CALY: variants seen among roughly 807,000 people sequenced by gnomAD.
CALY encodes the protein calcyon neuron specific vesicular protein.
Under a neutral mutation model 20.2 loss-of-function variants are expected in CALY, and 15 were observed. That is an observed-to-expected ratio of 0.74 (90% CI 0.50 to 1.14). The LOEUF (loss-of-function observed/expected upper bound fraction) is 1.14, where lower values mean the gene tolerates loss of function less well. Ranked by LOEUF, CALY falls within the 50% of genes most tolerant of loss-of-function variation. CALY has a pLI of 0.00. For missense variants in CALY, 270 were observed against 304.4 expected (o/e 0.89, Z 0.84); for synonymous variants, 129 against 131.8 (o/e 0.98, Z 0.15).
In CALY at chr10:133,328,957, C is replaced by T. The variant is rs146132141; in HGVS notation, c.33G>A (p.Lys11=). Residue 11 remains lysine, a synonymous_variant, in exon 2 of 6, where the codon AAG becomes AAA. Transcript: ENST00000252939. MVKLGCSFSG[K]PGKDPGDQDG... ...CCTGGTCCCCAGGGTCTTTACCTGG[C>T]TTCCCAGAGAAGCTGCAGCCCAGCT... 96 of 1,565,376 alleles carry T rather than the reference C, an allele frequency of 6.1e-5. No individual in the cohort carries two copies. The highest frequency in any genetic ancestry group is 7.5e-5 in the Non-Finnish European group (87 of 1,153,866).
intron 1 of CALY, among the ~76,000 whole-genome samples, chr10:133,335,406 T>C (rs576322630): frequency 2.2e-4 from 34 of 152,270 alleles, no homozygotes; most frequent in African/African-American, 8.2e-4. Context: ...GGAGCTGCGC[T>C]TGAGGGGTCC....
At chr10:133,330,531 G>C (rs1335220619) in intron 1 of CALY, among the ~76,000 whole-genome samples, 2 of 146,272 alleles carry the variant, frequency 1.4e-5, no homozygotes, top group Admixed American at 1.4e-4. Context: ...GGTGGCGGGC[G>C]CCTGTAGTCC....
rs71016443 is a variant in CALY, at chr10:133,329,394, T to TC, written c.-20-386_-20-385insG. ...TTATTCTCCTTCTTCTTCTTCTTCTTTTTTTTTTTTGAGACAGGATCTTGT... is the reference window on the plus strand; with the variant it reads ...TTATTCTCCTTCTTCTTCTTCTTCTTCTTTTTTTTTTGAGACAGGATCTTGT... On this transcript the variant is annotated intron_variant, in intron 1 of 5. Transcript: ENST00000252939. Among the ~76,000 whole-genome samples, 3 of 145,026 alleles carry TC rather than the reference T, an allele frequency of 2.1e-5. No homozygotes were observed. In the East Asian group the frequency reaches 5.9e-4, roughly 29 times the overall value.
Position 133,327,909 on chromosome 10 carries a change from C to A in CALY, c.242G>T (p.Arg81Leu). ...RLNCSHPEEG[R>L]RLPTARMIAF... is the part of the protein sequence containing the mutation. ...GGGTGGGGTGGGTGTGGTTACCCTG[C>A]GCCCTTCCTCTGGGTGGCTGCAGTT... The change falls in exon 3 of 6, where the codon CGC (arginine) becomes CTC (leucine). Residue 81 changes from arginine to leucine, a missense_variant. Transcript: ENST00000252939. 6.2e-7 allele frequency: 1 copy of A among 1,606,886 alleles called. No homozygotes were observed. The highest frequency in any genetic ancestry group is 1.3e-5 in the African/African-American group (1 of 74,924).
chr10:133,328,507 C>T (rs1848250647), intron 2 of CALY, among the ~76,000 whole-genome samples: 1 of 152,218 alleles, frequency 6.6e-6, no homozygotes, highest in African/African-American at 2.4e-5. Context: ...CCCAAGGACC[C>T]CCAGATCTCA....
At chr10:133,332,713 A>C (rs1848330132) in intron 1 of CALY, among the ~76,000 whole-genome samples, 1 of 152,332 alleles carries the variant, frequency 6.6e-6, no homozygotes, top group African/African-American at 2.4e-5. Context: ...GGGTCTTTGC[A>C]GATGTAATCA....
In CALY at chr10:133,328,993, G is replaced by A. The variant is rs1157338365; in HGVS notation, c.-4C>T. ...AGCTGCAGCCCAGCTTCACCATGGT[G>A]GATGGCAGTCCTTGTCCTGTCCAAA... On this transcript the variant is annotated 5_prime_UTR_variant, in exon 2 of 6. Coordinates refer to ENST00000252939, the MANE Select transcript of CALY (RefSeq NM_015722.4). 10 of 1,559,708 alleles carry A rather than the reference G, an allele frequency of 6.4e-6. No individual in the cohort carries two copies. The highest frequency in any genetic ancestry group is 8.7e-6 in the Non-Finnish European group (10 of 1,151,810).
In CALY at chr10:133,324,356, G is replaced by A; in HGVS notation, c.*1239C>T. On this transcript the variant is annotated 3_prime_UTR_variant, in exon 6 of 6. Coordinates refer to ENST00000252939, the MANE Select transcript of CALY (RefSeq NM_015722.4). ...CACAGGCTTCCTGGGCACTGCCGCTGTTCCAAAGCAGGCCAGTCCCACTGA... is the reference window on the plus strand; with the variant it reads ...CACAGGCTTCCTGGGCACTGCCGCTATTCCAAAGCAGGCCAGTCCCACTGA... 2.2e-6 allele frequency: 1 copy of A among 455,732 alleles called. No homozygotes were observed. Among genetic ancestry groups the A allele is most frequent in the East Asian group, 7.0e-5 (1 of 14,364 alleles). The allele number at this position is 455,732 out of a possible 1,614,324, so 28.2% of individuals were successfully genotyped here.
intron 3 of CALY, chr10:133,327,650 G>C (rs973278432): frequency 8.2e-6 from 5 of 612,888 alleles, no homozygotes; most frequent in African/African-American, 3.7e-5. Flanking sequence ...GCACTCGCGG[G>C]CACTTCCCAG....
chr10:133,333,382 G>A (rs1323100903), intron 1 of CALY, among the ~76,000 whole-genome samples: 3 of 134,310 alleles, frequency 2.2e-5, no homozygotes, highest in African/African-American at 8.1e-5. Context: ...GGGGTGGAGG[G>A]GAGGGATCCG....
In CALY at chr10:133,328,970, C is replaced by A. The variant is rs866303467; in HGVS notation, c.20G>T (p.Ser7Ile). MVKLGC[S>I]FSGKPGKDPG... ...GTCTTTACCTGGCTTCCCAGAGAAG[C>A]TGCAGCCCAGCTTCACCATGGTGGA... Residue 7 changes from serine (S) to isoleucine (I), a missense_variant, in exon 2 of 6, where the codon AGC (serine) becomes ATC (isoleucine). Ser to Ile is a moderately radical substitution (Grantham distance 142, BLOSUM62 -2). Transcript: ENST00000252939. The A allele has an allele frequency of 6.4e-7, 1 of 1,564,916 alleles. No homozygotes were observed.
chr10:133,329,000 A>C lies in CALY; in HGVS notation c.-11T>G, dbSNP rs1293019589. 3.9e-6 allele frequency: 6 copies of C among 1,556,386 alleles called. No individual in the cohort carries two copies. Among genetic ancestry groups the C allele is most frequent in the Middle Eastern group, 3.5e-4 (2 of 5,744 alleles). On this transcript the variant is annotated 5_prime_UTR_variant, in exon 2 of 6. Transcript: ENST00000252939. Reference sequence around the variant, plus strand: ...GCCCAGCTTCACCATGGTGGATGGCAGTCCTTGTCCTGTCCAAAGACAGAC... The same window carrying C: ...GCCCAGCTTCACCATGGTGGATGGCCGTCCTTGTCCTGTCCAAAGACAGAC...
intron 3 of CALY, among the ~76,000 whole-genome samples, chr10:133,327,261 G>T (rs1360034391): frequency 6.6e-6 from 1 of 152,258 alleles, no homozygotes; most frequent in African/African-American, 2.4e-5. Context: ...TGACCCAGGT[G>T]GGTCTTGCAG....
At chr10:133,335,626 C>T (rs1032572309) in intron 1 of CALY, among the ~76,000 whole-genome samples, 4 of 152,184 alleles carry the variant, frequency 2.6e-5, no homozygotes, top group African/African-American at 4.8e-5. Context: ...GGGGTCCAAC[C>T]CCCCCACCCC....
At chr10:133,326,824 G>C in intron 4 of CALY, 54 bp downstream of exon 4, 1 of 1,221,224 alleles carries the variant, frequency 8.2e-7, no homozygotes, top group Non-Finnish European at 1.2e-6. Context: ...CTGCCTGGAG[G>C]CTACGGGAGG....
chr10:133,327,709 A>G lies in CALY; in HGVS notation c.246+196T>C, dbSNP rs1224671669. The G allele has an allele frequency of 1.3e-5, 9 of 682,634 alleles. No homozygotes were observed. The East Asian group carries it at 2.4e-4, about 19-fold the overall frequency. The allele number at this position is 682,634 out of a possible 1,614,324, so 42.3% of individuals were successfully genotyped here. On this transcript the variant is annotated intron_variant, in intron 3 of 5. Transcript: ENST00000252939. ...CACTGTTTGGTCAGTCTGCACCTGC[A>G]GCCTCGGGAGGGGGCCTGGTGGGTG...
At chr10:133,333,023 G>A (rs1318676535) in intron 1 of CALY, among the ~76,000 whole-genome samples, 1 of 151,880 alleles carries the variant, frequency 6.6e-6, no homozygotes, top group African/African-American at 2.4e-5. Context: ...TGTGACAGCA[G>A]CGCGAGGATG....
intron 1 of CALY, among the ~76,000 whole-genome samples, chr10:133,331,945 GGTGAAACCCT>G (rs1343496674): frequency 6.6e-6 from 1 of 152,082 alleles, no homozygotes; most frequent in African/African-American, 2.4e-5. Flanking sequence ...TGGCCAACAT[GGTGAAACCCT>G]GTCTCGACTA....
intron 1 of CALY, among the ~76,000 whole-genome samples, chr10:133,330,763 A>C (rs1364930808): frequency 6.7e-6 from 1 of 150,192 alleles, no homozygotes; most frequent in Non-Finnish European, 1.5e-5. Context: ...CAGGGAAAGT[A>C]ATGCACGTCC....
Sources: allele counts gnomAD v4.1 joint callset (sites outside exome capture counted in the v4.1 genomes callset), GRCh38; gene constraint gnomAD v4.1.1; transcripts MANE v1.5; gene names NCBI Gene and HGNC (gene_info 2026-07-23, HGNC 2026-07-21).